GEN1: variants seen among roughly 807,000 people sequenced by gnomAD.
GEN1 encodes flap endonuclease GEN homolog 1.
GEN1 carries 64 observed loss-of-function variants against 67.6 expected under a neutral mutation model. The ratio of observed to expected loss-of-function variants is 0.95; its 90% CI spans 0.77 to 1.17. GEN1 has a LOEUF of 1.17. GEN1 is among the 50% of genes most tolerant of loss of function. The probability of loss-of-function intolerance (pLI) is 0.00; values close to 1 mark genes in which losing one functional copy is unlikely to be tolerated. For synonymous variants in GEN1, 371 were observed against 359.4 expected (o/e 1.03, Z -0.37); for missense variants, 1,058 against 1,048.3 (o/e 1.01, Z -0.13).
At chr2:17,773,516 A>G (rs146319889) in intron 10 of GEN1, among the ~76,000 whole-genome samples, 320 of 152,210 alleles carry the variant, frequency 2.1e-3, no homozygotes, top group African/African-American at 7.0e-3. Context: ...AAGATGCCTT[A>G]ATTAGCATAT....
rs368769308 is a variant in GEN1, at chr2:17,772,467, G to T, written c.803-167G>T. On this transcript the variant is annotated intron_variant, in intron 7 of 13. Transcript: ENST00000381254. ...CTACTTGAGCCCAAGAATTACTATGGTGTCTATTACTCTATTCATCCTAAA... is the reference window on the plus strand; with the variant it reads ...CTACTTGAGCCCAAGAATTACTATGTTGTCTATTACTCTATTCATCCTAAA... Among the ~76,000 whole-genome samples, 16 of 152,080 alleles carry T rather than the reference G, an allele frequency of 1.1e-4. No individual in the cohort carries two copies. In the East Asian group the frequency reaches 3.1e-3, roughly 29 times the overall value.
At position 17,766,656 on chromosome 2, in the gene GEN1, AGCAATACTTCTTG is replaced by A. The variant is rs1279802659; in HGVS notation, c.606_618del (p.Ile203ValfsTer17). 5 of 1,604,188 alleles carry A rather than the reference AGCAATACTTCTTG, an allele frequency of 3.1e-6. No homozygotes were observed. The East Asian group carries it at 1.1e-4, about 36-fold the overall frequency. On this transcript the variant is annotated frameshift_variant, in exon 5 of 14. Transcript: ENST00000381254. LOFTEE classifies it high-confidence loss of function. ...TGGATAGAGATGCTCTGGTTGGATT[AGCAATACTTCTTG>A]GCTGTGATTATCTCCCAAAGGTAAG... is the stretch of plus-strand genomic sequence containing the variant.
In GEN1 at chr2:17,785,736, A is replaced by G. The variant is rs576516596; in HGVS notation, c.*3797A>G. The G allele has an allele frequency of 6.6e-6, 1 of 152,256 alleles. No individual in the cohort carries two copies. The highest frequency in any genetic ancestry group is 1.5e-5 in the Non-Finnish European group (1 of 68,146). The allele number at this position is 152,256 out of a possible 1,614,324, so 9.4% of individuals were successfully genotyped here. ...TGGTGAAACCCCATCTCTACTAAAA[A>G]TACAAAAATCAGTGGGGCCTGGTGG... On this transcript the variant is annotated 3_prime_UTR_variant, in exon 14 of 14. Coordinates refer to ENST00000381254, the MANE Select transcript of GEN1 (RefSeq NM_001130009.3).
At chr2:17,759,783 A>G (rs1671589411) in intron 1 of GEN1, 146 bp from the exon 2 acceptor site, 2 of 604,160 alleles carry the variant, frequency 3.3e-6, no homozygotes, top group South Asian at 3.1e-5. Context: ...GGTGTTCTTA[A>G]TTCATTTTGA....
intron 2 of GEN1, 55 bp downstream of exon 2, chr2:17,760,159 C>G (rs972865103): frequency 6.9e-7 from 1 of 1,448,522 alleles, no homozygotes; most frequent in Non-Finnish European, 9.3e-7. Context: ...GTCTTGGTAT[C>G]TTGATTTTGT....
chr2:17,759,936 T>C lies in GEN1; in HGVS notation c.-8T>C. On this transcript the variant is annotated 5_prime_UTR_variant, in exon 2 of 14. Transcript: ENST00000381254. ...GTGTGTTTCACATAACAGCAGATAATCACCAGAATGGGAGTGAATGACTTG... is the reference window on the plus strand; with the variant it reads ...GTGTGTTTCACATAACAGCAGATAACCACCAGAATGGGAGTGAATGACTTG... 1.2e-6 allele frequency: 2 copies of C among 1,613,258 alleles called. No homozygotes were observed. The highest frequency in any genetic ancestry group is 1.7e-6 in the Non-Finnish European group (2 of 1,179,572).
chr2:17,753,758 C>T (rs931247868), upstream of GEN1: 2 of 152,288 alleles, frequency 1.3e-5, no homozygotes, highest in African/African-American at 4.8e-5. Flanking sequence ...CGCGTGCCGG[C>T]CGCAGGAGAA....
chr2:17,762,169 G>A (rs1268104078), intron 3 of GEN1, among the ~76,000 whole-genome samples: 1 of 148,920 alleles, frequency 6.7e-6, no homozygotes, highest in African/African-American at 2.5e-5. Context: ...AAAACAATAG[G>A]AAGCTTTTTT....
At position 17,768,758 on chromosome 2, in the gene GEN1, A is replaced by C. The variant is rs777457040; in HGVS notation, c.657A>C (p.Lys219Asn). ...YLPKGVPGVGKEQALKLIQIL... is the reference protein window; with the variant it reads ...YLPKGVPGVGNEQALKLIQIL... ...GAAAGGGAGTCCCTGGAGTTGGAAA[A>C]GAGCAAGCATTAAAACTTATACAGA... The change falls in exon 6 of 14, where the codon AAA becomes AAC. Residue 219 changes from lysine to asparagine, a missense_variant. Lys to Asn is a moderately conservative substitution (Grantham distance 94). Transcript: ENST00000381254. The C allele has an allele frequency of 5.6e-6, 9 of 1,611,276 alleles. No individual in the cohort carries two copies. The highest frequency in any genetic ancestry group is 1.3e-5 in the African/African-American group (1 of 74,832).
At position 17,778,133 on chromosome 2, in the gene GEN1, T is replaced by C. The variant is rs564983402; in HGVS notation, c.1264+70T>C. ...CCATGTATGTCTAGTAAATATTGTA[T>C]ATGTGTATATATATATATATACACA... On this transcript the variant is annotated intron_variant, in intron 12 of 13. Coordinates refer to ENST00000381254, the MANE Select transcript of GEN1 (RefSeq NM_001130009.3). 1.6e-5 allele frequency: 10 copies of C among 642,762 alleles called. No individual in the cohort carries two copies. The African/African-American group carries it at 2.6e-4, about 17-fold the overall frequency. The allele number at this position is 642,762 out of a possible 1,614,324, so 39.8% of individuals were successfully genotyped here.
At chr2:17,764,813 T>C (rs1445157318) in intron 3 of GEN1, 84 bp from the exon 4 acceptor site, 1 of 1,260,018 alleles carries the variant, frequency 7.9e-7, no homozygotes, top group African/African-American at 1.5e-5. Context: ...CTATTAATAT[T>C]TGTAATACAG....
At chr2:17,774,450 T>C (rs765508935) in intron 11 of GEN1, 49 bp downstream of exon 11, 1 of 1,456,420 alleles carries the variant, frequency 6.9e-7, no homozygotes, top group Non-Finnish European at 9.2e-7. Context: ...CTTGAGTATT[T>C]TATAATTAAA....
intron 5 of GEN1, 106 bp downstream of exon 5, chr2:17,766,795 T>G: frequency 1.7e-6 from 1 of 587,728 alleles, no homozygotes; most frequent in Non-Finnish European, 3.0e-6. Flanking sequence ...AAAATCGAAT[T>G]TAAAATATAA....
chr2:17,780,123 TAA>T lies in GEN1; in HGVS notation c.1408+3_1408+4del. The stretch of plus-strand genomic sequence containing the variant: ...AAATTAAAGGGAAGAAACAAAAACG[TAA>T]GTTTTGGGTTTGATAGCTATTTATG... On this transcript the variant is annotated splice_donor_region_variant and intron_variant, in intron 13 of 13. Coordinates refer to ENST00000381254, the MANE Select transcript of GEN1 (RefSeq NM_001130009.3). The T allele has an allele frequency of 6.2e-7, 1 of 1,610,166 alleles. No individual in the cohort carries two copies. Among genetic ancestry groups the T allele is most frequent in the African/African-American group, 1.3e-5 (1 of 74,916 alleles).
At chr2:17,776,384 T>A (rs1326780603) in intron 11 of GEN1, among the ~76,000 whole-genome samples, 3 of 152,192 alleles carry the variant, frequency 2.0e-5, no homozygotes, top group African/African-American at 2.4e-5. Flanking sequence ...TATTGTATCA[T>A]TGTTAAACTT....
chr2:17,764,748 T>C, intron 3 of GEN1, 149 bp from the exon 4 acceptor site: 1 of 675,330 alleles, frequency 1.5e-6, no homozygotes, highest in Non-Finnish European at 2.3e-6. Context: ...CAGTCATTGT[T>C]CAAATTTCCA....
At position 17,781,471 on chromosome 2, in the gene GEN1, T is replaced by A; in HGVS notation, c.2259T>A (p.Ser753=). Residue 753 remains serine, a synonymous_variant, in exon 14 of 14, where the codon TCT becomes TCA. Coordinates refer to ENST00000381254, the MANE Select transcript of GEN1 (RefSeq NM_001130009.3). ...AAGAAGACTATAAAGTCAATACTTC[T>A]GTCCCTTATTCTGTCAGTAACACAG... ...LLQEDYKVNT[S]VPYSVSNTVV... is the part of the protein sequence containing the mutation. 1.9e-6 allele frequency: 3 copies of A among 1,613,594 alleles called. No individual in the cohort carries two copies. In the African/African-American group the frequency reaches 4.0e-5, roughly 21 times the overall value.
chr2:17,764,254 G>GA (rs1234642631), intron 3 of GEN1, among the ~76,000 whole-genome samples: 2 of 152,032 alleles, frequency 1.3e-5, no homozygotes, highest in East Asian at 1.9e-4. Context: ...GGCAAGATGA[G>GA]AAAAAAATGC....
chr2:17,760,958 C>T (rs1279925386), intron 2 of GEN1, among the ~76,000 whole-genome samples: 1 of 148,484 alleles, frequency 6.7e-6, no homozygotes, highest in Non-Finnish European at 1.5e-5. Flanking sequence ...TGGCCGGGCA[C>T]AGTGGCTCAC....
Sources: allele counts gnomAD v4.1 joint callset (sites outside exome capture counted in the v4.1 genomes callset), GRCh38; gene constraint gnomAD v4.1.1; transcripts MANE v1.5; gene names NCBI Gene and HGNC (gene_info 2026-07-23, HGNC 2026-07-21).